The following FHIT variants were observed in gnomAD, a reference collection of about 807,000 sequenced individuals.
The protein encoded by FHIT is bis(5'-adenosyl)-triphosphatase.
A neutral mutation model predicts 17.9 loss-of-function variants in FHIT; 19 were observed. That is an observed-to-expected ratio of 1.06 (90% confidence interval 0.74 to 1.56). FHIT has a LOEUF of 1.56. Among genes scored for constraint, FHIT ranks in the 40% most tolerant of loss-of-function variants. The pLI is 0.00. For synonymous variants in FHIT, 81 were observed against 69.7 expected, an observed-to-expected ratio of 1.16 and a Z score of -0.81; for missense variants, 248 against 189.2, an observed-to-expected ratio of 1.31 and a Z score of -1.82.
intron 3 of FHIT, among the ~76,000 whole-genome samples, chr3:60,847,048 T>C (rs1702953567): frequency 6.6e-6 from 1 of 152,162 alleles, no homozygotes; most frequent in East Asian, 1.9e-4. Context: ...GGTCTTGAAC[T>C]CCTGACCTCA....
Position 60,096,459 on chromosome 3 carries a change from C to T in FHIT, c.104-82307G>A, listed in dbSNP as rs116225828. ...CCAAGAAAGGTCAGGCAAACAGAAA[C>T]GCAAGTTCTCACTCTGGGTCGCAGG... On this transcript the variant is annotated intron_variant, in intron 5 of 9. Transcript: ENST00000492590. Among the ~76,000 whole-genome samples the T allele has an allele frequency of 9.6e-3, 1,464 of 152,246 alleles. 23 individuals are homozygous for T. The highest frequency in any genetic ancestry group is 0.033 in the African/African-American group (1,384 of 41,562).
chr3:60,552,182 C>T (rs2036582582), intron 4 of FHIT, among the ~76,000 whole-genome samples: 2 of 152,120 alleles, frequency 1.3e-5, no homozygotes, highest in South Asian at 4.1e-4. Context: ...CTTTTAAAGG[C>T]TGAATAATAC....
chr3:60,736,951 A>G (rs551304667), intron 4 of FHIT, among the ~76,000 whole-genome samples: 7 of 152,332 alleles, frequency 4.6e-5, no homozygotes, highest in Non-Finnish European at 8.8e-5. Context: ...GCAAAGGCCT[A>G]TTGTTTTTAA....
intron 4 of FHIT, among the ~76,000 whole-genome samples, chr3:60,717,856 A>C (rs2041722322): frequency 6.6e-6 from 1 of 152,168 alleles, no homozygotes; most frequent in Non-Finnish European, 1.5e-5. Context: ...CTAGACTAAA[A>C]ATGGTATAGC....
intron 4 of FHIT, among the ~76,000 whole-genome samples, chr3:60,614,918 C>T (rs2038907375): frequency 6.9e-6 from 1 of 144,244 alleles, no homozygotes; most frequent in African/African-American, 2.5e-5. Context: ...CAACCTCCGC[C>T]TCCCAGGTTC....
At chr3:60,404,420 C>T (rs552034104) in intron 5 of FHIT, among the ~76,000 whole-genome samples, 5 of 152,210 alleles carry the variant, frequency 3.3e-5, no homozygotes, top group African/African-American at 9.6e-5. Flanking sequence ...TCAGTTGTCT[C>T]GGGATGTGAC....
At chr3:60,334,218 G>C (rs1710126691) in intron 5 of FHIT, among the ~76,000 whole-genome samples, 1 of 152,082 alleles carries the variant, frequency 6.6e-6, no homozygotes, top group Non-Finnish European at 1.5e-5. Flanking sequence ...TATATGCTGA[G>C]CCAATCCTGA....
At chr3:59,784,180 C>T (rs931924019) in intron 8 of FHIT, among the ~76,000 whole-genome samples, 3 of 152,188 alleles carry the variant, frequency 2.0e-5, no homozygotes, top group Admixed American at 1.3e-4. Context: ...TATCCCTCAT[C>T]CAGTCAATCA....
intron 3 of FHIT, among the ~76,000 whole-genome samples, chr3:60,827,034 T>C (rs1702150210): frequency 6.6e-6 from 1 of 151,840 alleles, no homozygotes; most frequent in African/African-American, 2.4e-5. Context: ...AAAAAAAGAG[T>C]TTGCTTTAGG....
intron 3 of FHIT, among the ~76,000 whole-genome samples, chr3:60,967,322 C>T (rs369919656): frequency 4.1e-4 from 62 of 152,276 alleles, no homozygotes; most frequent in African/African-American, 1.3e-3. Context: ...AAAATCATTG[C>T]TTGATCCCTT....
intron 2 of FHIT, among the ~76,000 whole-genome samples, chr3:61,103,990 A>G (rs531229483): frequency 6.6e-6 from 1 of 151,942 alleles, no homozygotes; most frequent in South Asian, 2.1e-4. Context: ...TCCTGAATAC[A>G]GCACACTGAT....
chr3:60,072,305 T>C (rs1388659460), intron 5 of FHIT, among the ~76,000 whole-genome samples: 1 of 152,174 alleles, frequency 6.6e-6, no homozygotes, highest in African/African-American at 2.4e-5. Context: ...AGACTCCTTC[T>C]AGATGATTTG....
At position 60,818,110 on chromosome 3, in the gene FHIT, T is replaced by C. The variant is rs566438585; in HGVS notation, c.-18+3809A>G. Among the ~76,000 whole-genome samples, 8 of 152,302 alleles carry C rather than the reference T, an allele frequency of 5.3e-5. No individual in the cohort carries two copies. In the South Asian group the frequency reaches 1.7e-3, roughly 32 times the overall value. On this transcript the variant is annotated intron_variant, in intron 4 of 9. Coordinates refer to ENST00000492590, the MANE Select transcript of FHIT (RefSeq NM_002012.4). ...TTTCAGGATTTCTATTTGGTTCTTT[T>C]TGCAGTTTCTGTTTACTACCTTCTT...
intron 3 of FHIT, among the ~76,000 whole-genome samples, chr3:60,944,068 C>G (rs1341578570): frequency 1.3e-5 from 2 of 152,090 alleles, no homozygotes; most frequent in Non-Finnish European, 1.5e-5. Flanking sequence ...AGTATCTTTT[C>G]TCTCCCTGCC....
chr3:60,231,188 T>C (rs1267857215), intron 5 of FHIT, among the ~76,000 whole-genome samples: 1 of 152,206 alleles, frequency 6.6e-6, no homozygotes, highest in African/African-American at 2.4e-5. Flanking sequence ...TGCAGATATA[T>C]TATTCTCCTT....
At chr3:60,404,011 T>C (rs1305280031) in intron 5 of FHIT, among the ~76,000 whole-genome samples, 4 of 152,150 alleles carry the variant, frequency 2.6e-5, no homozygotes, top group Admixed American at 6.5e-5. Flanking sequence ...AGATAGGAAA[T>C]TGAAAGTACA....
At chr3:60,026,619 A>G (rs1401987708) in intron 5 of FHIT, among the ~76,000 whole-genome samples, 2 of 152,150 alleles carry the variant, frequency 1.3e-5, no homozygotes, top group Non-Finnish European at 2.9e-5. Context: ...TCCAGTTCTA[A>G]CTTACGACTT....
intron 5 of FHIT, among the ~76,000 whole-genome samples, chr3:60,029,928 TACAA>T (rs1700930551): frequency 1.3e-5 from 2 of 150,914 alleles, no homozygotes; most frequent in Admixed American, 6.6e-5. Flanking sequence ...TGTGTGTGTG[TACAA>T]ATGTGATGGC....
intron 8 of FHIT, among the ~76,000 whole-genome samples, chr3:59,892,165 A>G (rs1307742586): frequency 6.6e-6 from 1 of 152,228 alleles, no homozygotes; most frequent in East Asian, 1.9e-4. Context: ...AGGAGAAACT[A>G]GCAGATTTTT....
Sources: allele counts gnomAD v4.1 joint callset (sites outside exome capture counted in the v4.1 genomes callset), GRCh38; gene constraint gnomAD v4.1.1; transcripts MANE v1.5; gene names NCBI Gene and HGNC (gene_info 2026-07-23, HGNC 2026-07-21).